The following LRCH1 variants were observed in gnomAD, a reference collection of about 807,000 sequenced individuals.
The protein encoded by LRCH1 is leucine-rich repeat and calponin homology domain-containing protein 1.
LRCH1 carries 23 observed loss-of-function variants against 94.9 expected under a neutral mutation model. That is an observed-to-expected ratio of 0.24 (90% CI 0.17 to 0.34). The LOEUF (loss-of-function observed/expected upper bound fraction) is 0.34. LRCH1 is among the 10% of genes least tolerant of loss of function. The probability of loss-of-function intolerance (pLI) is 1.00; values close to 1 mark genes in which losing one functional copy is unlikely to be tolerated. For synonymous variants in LRCH1, 364 were observed against 354.9 expected (o/e 1.03, Z -0.29); for missense variants, 790 against 945.9 (o/e 0.84, Z 2.16).
intron 17 of LRCH1, 85 bp downstream of exon 17, chr13:46,723,415 A>C: frequency 9.6e-7 from 1 of 1,038,262 alleles, no homozygotes; most frequent in East Asian, 2.5e-5. Context: ...CATTGCAAGC[A>C]GTCCTAATTT....
Position 46,645,939 on chromosome 13 carries a change from T to C in LRCH1, c.308-4262T>C, listed in dbSNP as rs1005589965. Among the ~76,000 whole-genome samples, 5 of 111,034 alleles carry C rather than the reference T, an allele frequency of 4.5e-5. No homozygotes were observed. The Admixed American group carries it at 5.0e-4, about 11-fold the overall frequency. 72.8% of individuals were successfully genotyped at this position (111,034 alleles called of 152,430 possible). ...TAGCAATTCTCAGGAAAGGTTAAGT[T>C]TGGAATGTAAACTGGACCCTCAGTG... is the stretch of plus-strand genomic sequence containing the variant. On this transcript the variant is annotated intron_variant, in intron 1 of 19. Transcript: ENST00000389797.
At position 46,743,090 on chromosome 13, in the gene LRCH1, C is replaced by T; in HGVS notation, c.*1242C>T. ...CTTGTTCCAAGGTCAAGGCAGCCTC[C>T]TTATTTTACATGCTGTTTGCCAAAT... On this transcript the variant is annotated 3_prime_UTR_variant, in exon 20 of 20. Coordinates refer to ENST00000389797, the MANE Select transcript of LRCH1 (RefSeq NM_001164211.2). 1 of 985,380 alleles carries T rather than the reference C, an allele frequency of 1.0e-6. No individual in the cohort carries two copies. The highest frequency in any genetic ancestry group is 1.2e-6 in the Non-Finnish European group (1 of 829,920). The allele number at this position is 985,380 out of a possible 1,614,324, so 61.0% of individuals were successfully genotyped here.
intron 1 of LRCH1, among the ~76,000 whole-genome samples, chr13:46,632,610 G>A (rs1838647403): frequency 6.6e-6 from 1 of 152,166 alleles, no homozygotes; most frequent in Non-Finnish European, 1.5e-5. Context: ...CAAGTTCAAG[G>A]CATAATGCAA....
In LRCH1 at chr13:46,594,243, G is replaced by GA. The variant is rs1266865419; in HGVS notation, c.307+40555dup. The stretch of plus-strand genomic sequence containing the variant: ...CCTGGACTCCTCTTTTAATCTCAGT[G>GA]AAAAAAAAAAAAAAAGTACATATTT... On this transcript the variant is annotated intron_variant, in intron 1 of 19. Coordinates refer to ENST00000389797, the MANE Select transcript of LRCH1 (RefSeq NM_001164211.2). Among the ~76,000 whole-genome samples the GA allele has an allele frequency of 7.6e-3, 910 of 119,792 alleles. 7 individuals are homozygous for GA. The highest frequency in any genetic ancestry group is 0.011 in the African/African-American group (381 of 34,110). 78.6% of individuals were successfully genotyped at this position (119,792 alleles called of 152,430 possible).
intron 3 of LRCH1, among the ~76,000 whole-genome samples, chr13:46,676,826 G>A (rs144810321): frequency 4.6e-5 from 7 of 152,208 alleles, no homozygotes; most frequent in African/African-American, 1.7e-4. Flanking sequence ...CACTCAGGCT[G>A]GAATGCAGTG....
At chr13:46,573,241 C>T (rs914967979) in intron 1 of LRCH1, among the ~76,000 whole-genome samples, 1 of 152,082 alleles carries the variant, frequency 6.6e-6, no homozygotes, top group African/African-American at 2.4e-5. Context: ...ACAGTGTCTG[C>T]CCATGGTAGC....
intron 1 of LRCH1, among the ~76,000 whole-genome samples, chr13:46,592,519 G>A (rs966060083): frequency 6.6e-5 from 10 of 152,130 alleles, no homozygotes; most frequent in African/African-American, 2.4e-4. Flanking sequence ...GTTCTCTATG[G>A]CCATTATTAG....
At chr13:46,573,845 AAT>A (rs1555269134) in intron 1 of LRCH1, among the ~76,000 whole-genome samples, 16 of 77,994 alleles carry the variant, frequency 2.1e-4, no homozygotes, top group East Asian at 5.2e-4. Context: ...ACTATAGTCA[AAT>A]ATATATATAT....
chr13:46,728,301 C>T (rs551242106), intron 17 of LRCH1, among the ~76,000 whole-genome samples: 18 of 152,146 alleles, frequency 1.2e-4, no homozygotes, highest in Non-Finnish European at 2.4e-4. Context: ...CTGCAACCTC[C>T]GCCTCCTGGG....
chr13:46,703,654 T>C (rs564595640), intron 11 of LRCH1, among the ~76,000 whole-genome samples: 15 of 152,318 alleles, frequency 9.8e-5, no homozygotes, highest in African/African-American at 3.6e-4. Context: ...ACTTTAAGTA[T>C]ATTATACTCT....
intron 5 of LRCH1, 144 bp from the exon 6 acceptor site, chr13:46,687,708 T>G (rs1870693267): frequency 1.8e-6 from 1 of 549,860 alleles, no homozygotes; most frequent in African/African-American, 1.9e-5. Flanking sequence ...TTACATGTTT[T>G]GGAAAGGACG....
intron 1 of LRCH1, among the ~76,000 whole-genome samples, chr13:46,558,189 A>G (rs1275983348): frequency 6.6e-6 from 1 of 152,206 alleles, no homozygotes; most frequent in East Asian, 1.9e-4. Context: ...CAATACAGGA[A>G]TACATGAGAT....
intron 1 of LRCH1, among the ~76,000 whole-genome samples, chr13:46,587,628 A>G (rs1041779446): frequency 2.0e-5 from 3 of 152,186 alleles, no homozygotes; most frequent in Non-Finnish European, 4.4e-5. Flanking sequence ...GGTCATGGTT[A>G]GTTAGGACTT....
intron 1 of LRCH1, among the ~76,000 whole-genome samples, chr13:46,618,272 G>T (rs1426307084): frequency 6.6e-6 from 1 of 152,164 alleles, no homozygotes; most frequent in Non-Finnish European, 1.5e-5. Flanking sequence ...AAAATGGTAA[G>T]TATTTGTGTA....
intron 15 of LRCH1, 76 bp downstream of exon 15, chr13:46,712,673 A>G: frequency 7.8e-7 from 1 of 1,276,804 alleles, no homozygotes; most frequent in Admixed American, 1.7e-5. Context: ...TGTATGCATT[A>G]TCAATGTGCA....
At chr13:46,600,335 T>C (rs2137980742) in intron 1 of LRCH1, among the ~76,000 whole-genome samples, 1 of 152,330 alleles carries the variant, frequency 6.6e-6, no homozygotes, top group Non-Finnish European at 1.5e-5. Flanking sequence ...CTTTCAGGTA[T>C]TTTGCAGTCG....
intron 1 of LRCH1, among the ~76,000 whole-genome samples, chr13:46,578,864 C>G (rs1463632526): frequency 1.3e-5 from 2 of 152,122 alleles, no homozygotes; most frequent in Non-Finnish European, 2.9e-5. Context: ...CAGGGAAGCA[C>G]TCCCTGGTTG....
intron 1 of LRCH1, among the ~76,000 whole-genome samples, chr13:46,609,383 C>T (rs1386476529): frequency 6.6e-6 from 1 of 152,112 alleles, no homozygotes; most frequent in African/African-American, 2.4e-5. Flanking sequence ...GTGTACCACT[C>T]GTATCCACTG....
chr13:46,572,073 T>C (rs2050247703), intron 1 of LRCH1, among the ~76,000 whole-genome samples: 1 of 152,192 alleles, frequency 6.6e-6, no homozygotes, highest in Admixed American at 6.5e-5. Context: ...TCTGGGAACA[T>C]ATCTCTTGTC....
Sources: gnomAD v4.1 joint callset for allele counts (sites outside exome capture counted in the v4.1 genomes callset) on GRCh38, gnomAD v4.1.1 for gene constraint, MANE v1.5 for transcripts, NCBI Gene and HGNC (gene_info 2026-07-23, HGNC 2026-07-21) for gene names.